LRRC4C: variants seen among roughly 807,000 people sequenced by gnomAD.
The protein encoded by LRRC4C is leucine rich repeat containing 4C, also known as leucine-rich repeat-containing protein 4C.
A neutral mutation model predicts 33.6 loss-of-function variants in LRRC4C; 5 were observed. That is an observed-to-expected ratio of 0.15 (90% CI 0.08 to 0.31). The LOEUF (loss-of-function observed/expected upper bound fraction) is 0.31. Among genes scored for constraint, LRRC4C ranks in the 10% least tolerant of loss-of-function variants. The pLI, the probability that LRRC4C is intolerant of heterozygous loss-of-function variation, is 1.00. For missense variants in LRRC4C, 560 were observed against 796.7 expected, an observed-to-expected ratio of 0.70 and a Z score of 3.58; for synonymous variants, 329 against 302.0, an observed-to-expected ratio of 1.09 and a Z score of -0.93.
intron 1 of LRRC4C, among the ~76,000 whole-genome samples, chr11:41,286,504 A>G (rs1949832556): frequency 6.6e-6 from 1 of 152,194 alleles, no homozygotes; most frequent in Non-Finnish European, 1.5e-5. Context: ...TCACTGGGCT[A>G]TATTTTTCAT....
intron 1 of LRRC4C, among the ~76,000 whole-genome samples, chr11:41,045,003 A>G (rs1271697493): frequency 3.3e-5 from 5 of 152,028 alleles, no homozygotes; most frequent in African/African-American, 9.7e-5. Flanking sequence ...ACATTCATTT[A>G]TCTTGAGCTC....
chr11:40,429,574 A>C (rs193047077), intron 3 of LRRC4C, among the ~76,000 whole-genome samples: 44 of 152,068 alleles, frequency 2.9e-4, no homozygotes, highest in African/African-American at 8.7e-4. Context: ...ATAATAAAAA[A>C]AAAACAAAAC....
chr11:41,071,013 C>G (rs1367216429), intron 1 of LRRC4C, among the ~76,000 whole-genome samples: 1 of 152,112 alleles, frequency 6.6e-6, no homozygotes, highest in Non-Finnish European at 1.5e-5. Flanking sequence ...AAATGCCCAT[C>G]AATGTTAGAC....
intron 5 of LRRC4C, among the ~76,000 whole-genome samples, chr11:40,180,381 C>T (rs764598277): frequency 2.6e-5 from 4 of 152,196 alleles, no homozygotes; most frequent in Non-Finnish European, 5.9e-5. Context: ...AGTTTAGAAG[C>T]AGACATGCAT....
At chr11:41,313,610 CT>C (rs1950702884) in intron 1 of LRRC4C, among the ~76,000 whole-genome samples, 1 of 152,112 alleles carries the variant, frequency 6.6e-6, no homozygotes, top group Non-Finnish European at 1.5e-5. Context: ...AGAGATAGTG[CT>C]TAGAATACAA....
chr11:41,320,879 T>A (rs1950938742), intron 1 of LRRC4C, among the ~76,000 whole-genome samples: 2 of 152,252 alleles, frequency 1.3e-5, no homozygotes, highest in Non-Finnish European at 2.9e-5. Flanking sequence ...AGAATTCAGT[T>A]CTCTGTGATT....
At chr11:41,394,972 A>T (rs1953748149) in intron 1 of LRRC4C, 2 of 152,030 alleles carry the variant, frequency 1.3e-5, no homozygotes, top group Non-Finnish European at 2.9e-5. Flanking sequence ...TTCAGAGAGA[A>T]TCCTTTCATT....
Position 40,955,329 on chromosome 11 carries a change from C to T in LRRC4C, c.-495-21606G>A, listed in dbSNP as rs561123110. Among the ~76,000 whole-genome samples, 8 of 151,688 alleles carry T rather than the reference C, an allele frequency of 5.3e-5. No individual in the cohort carries two copies. In the South Asian group the frequency reaches 1.2e-3, roughly 24 times the overall value. On this transcript the variant is annotated intron_variant, in intron 1 of 6. Coordinates refer to ENST00000528697, the MANE Select transcript of LRRC4C (RefSeq NM_001258419.2). ...AAAATGCCTTAAACATTTAATGTCTCTGTATTCTATAGGAGGAAGTATAAA... is the reference window on the plus strand; with the variant it reads ...AAAATGCCTTAAACATTTAATGTCTTTGTATTCTATAGGAGGAAGTATAAA...
intron 1 of LRRC4C, among the ~76,000 whole-genome samples, chr11:40,936,439 G>A (rs1181587874): frequency 1.4e-5 from 2 of 146,888 alleles, no homozygotes; most frequent in African/African-American, 5.0e-5. Context: ...CCAGGTTTAC[G>A]CCATTCTCCT....
At chr11:41,184,747 G>A (rs952507843) in intron 1 of LRRC4C, among the ~76,000 whole-genome samples, 3 of 149,442 alleles carry the variant, frequency 2.0e-5, no homozygotes, top group East Asian at 3.9e-4. Flanking sequence ...CACTTTACTG[G>A]TACCAATTTA....
At chr11:40,256,819 T>G (rs1337194225) in intron 4 of LRRC4C, among the ~76,000 whole-genome samples, 1 of 152,164 alleles carries the variant, frequency 6.6e-6, no homozygotes, top group Non-Finnish European at 1.5e-5. Context: ...TGCTCCTAGG[T>G]ACTCTGGCAG....
chr11:40,409,778 G>C (rs1452092220), intron 3 of LRRC4C, among the ~76,000 whole-genome samples: 1 of 152,020 alleles, frequency 6.6e-6, no homozygotes, highest in Admixed American at 6.6e-5. Context: ...GAACACTGTT[G>C]ATGGGAATGT....
chr11:40,340,305 A>C (rs771262606), intron 3 of LRRC4C, among the ~76,000 whole-genome samples: 2 of 152,192 alleles, frequency 1.3e-5, no homozygotes, highest in Non-Finnish European at 2.9e-5. Flanking sequence ...GGCCATGTAC[A>C]GTTCAAATAT....
Position 40,866,800 on chromosome 11 carries a change from T to C in LRRC4C, c.-407+66835A>G, listed in dbSNP as rs538445633. 3.3e-5 allele frequency among the ~76,000 whole-genome samples: 5 copies of C among 152,296 alleles called. No homozygotes were observed. In the South Asian group the frequency reaches 1.0e-3, roughly 32 times the overall value. On this transcript the variant is annotated intron_variant, in intron 2 of 6. Transcript: ENST00000528697. ...GACAACATTATAAGGAGCTCCATAA[T>C]ATGACTTCTGCTCCTATTTCAAGCT...
At chr11:40,646,405 A>C (rs1032075580) in intron 3 of LRRC4C, among the ~76,000 whole-genome samples, 6 of 152,102 alleles carry the variant, frequency 3.9e-5, no homozygotes, top group African/African-American at 1.4e-4. Flanking sequence ...CTTGTTTCTT[A>C]ATTTGGTTTC....
rs982935990 is a variant in LRRC4C at position 40,168,361 on chromosome 11, A to G, written c.-95-27508T>C. Among the ~76,000 whole-genome samples, 4 of 152,314 alleles carry G rather than the reference A, an allele frequency of 2.6e-5. No individual in the cohort carries two copies. The East Asian group carries it at 7.7e-4, about 29-fold the overall frequency. ...TTCTGGGTAGGGTTGCACACTGACC[A>G]AAATAGTAGACATGGTTTTGAGCTG... On this transcript the variant is annotated intron_variant, in intron 5 of 6. Coordinates refer to ENST00000528697, the MANE Select transcript of LRRC4C (RefSeq NM_001258419.2).
chr11:40,943,221 A>G (rs1958237642), intron 1 of LRRC4C, among the ~76,000 whole-genome samples: 1 of 152,210 alleles, frequency 6.6e-6, no homozygotes, highest in African/African-American at 2.4e-5. Context: ...TAGGTGATTT[A>G]CACACTTACA....
At chr11:41,262,346 A>T (rs553645642) in intron 1 of LRRC4C, among the ~76,000 whole-genome samples, 17 of 151,860 alleles carry the variant, frequency 1.1e-4, no homozygotes, top group Non-Finnish European at 1.8e-4. Context: ...ATTATGTGGC[A>T]CTATAGAGAA....
intron 2 of LRRC4C, among the ~76,000 whole-genome samples, chr11:40,664,388 T>G (rs2136227299): frequency 6.6e-6 from 1 of 151,942 alleles, no homozygotes; most frequent in South Asian, 2.1e-4. Context: ...GTACTAAAAA[T>G]ACAAAAATTA....
Sources: gnomAD v4.1 joint callset for allele counts (sites outside exome capture counted in the v4.1 genomes callset) on GRCh38, gnomAD v4.1.1 for gene constraint, MANE v1.5 for transcripts, NCBI Gene and HGNC (gene_info 2026-07-23, HGNC 2026-07-21) for gene names.